The following MIER3 variants were observed in gnomAD, a reference collection of about 807,000 sequenced individuals.
The protein encoded by MIER3 is MIER family member 3.
MIER3 carries 9 observed loss-of-function variants against 63.2 expected under a neutral mutation model. The ratio of observed to expected loss-of-function variants is 0.14; its 90% CI spans 0.09 to 0.25. The LOEUF (loss-of-function observed/expected upper bound fraction) is 0.25, where lower values mean the gene tolerates loss of function less well. MIER3 is among the 10% of genes least tolerant of loss of function. MIER3 has a pLI of 1.00. For synonymous variants in MIER3, 205 were observed against 224.9 expected (o/e 0.91, Z 0.79); for missense variants, 512 against 666.2 (o/e 0.77, Z 2.55).
intron 2 of MIER3, among the ~76,000 whole-genome samples, chr5:56,949,465 C>T (rs908780890): frequency 2.0e-5 from 3 of 152,164 alleles, no homozygotes; most frequent in African/African-American, 4.8e-5. Context: ...TTCCATTAAT[C>T]CAGCTGTTTG....
chr5:56,949,601 T>C (rs1335932963), intron 2 of MIER3, among the ~76,000 whole-genome samples: 1 of 152,216 alleles, frequency 6.6e-6, no homozygotes, highest in African/African-American at 2.4e-5. Context: ...TTCTTCTACT[T>C]GGTGTTATAA....
At chr5:56,941,974 T>C (rs1241182210) in intron 3 of MIER3, among the ~76,000 whole-genome samples, 2 of 152,132 alleles carry the variant, frequency 1.3e-5, no homozygotes, top group East Asian at 3.9e-4. Context: ...TGGTGGTAAC[T>C]TCTGCCAAGA....
chr5:56,923,516 G>A lies in MIER3; in HGVS notation c.1265C>T (p.Pro422Leu). The part of the protein sequence containing the change: ...DVNCLDDSFP[P>L]LGNTPRGQVN... ...TTGTCCACGGGGTGTGTTGCCCAGTGGAGGAAAGCTATCATCCAAACAATT... is the reference window on the plus strand; with the variant it reads ...TTGTCCACGGGGTGTGTTGCCCAGTAGAGGAAAGCTATCATCCAAACAATT... Residue 422 changes from proline (P) to leucine (L), a missense_variant, in exon 13 of 13, where the codon CCA (proline) becomes CTA (leucine). Pro to Leu is a moderately conservative substitution (Grantham distance 98). Around this residue, in one of 5 missense-constraint regions of MIER3, gnomAD observed 218 missense variants for 251.2 expected, o/e 0.87. Coordinates refer to ENST00000381199, the MANE Select transcript of MIER3 (RefSeq NM_001297599.2). 6.2e-7 allele frequency: 1 copy of A among 1,614,182 alleles called. No homozygotes were observed.
At position 56,938,993 on chromosome 5, in the gene MIER3, A is replaced by C; in HGVS notation, c.205T>G (p.Leu69Val). Residue 69 changes from leucine (L) to valine (V), a missense_variant, in exon 4 of 13, where the codon TTA becomes GTA. This residue lies in a region of MIER3 where 98 missense variants were observed against 107.4 expected (regional missense o/e 0.91). Coordinates refer to ENST00000381199, the MANE Select transcript of MIER3 (RefSeq NM_001297599.2). ...GGTTCATAGCCATAGAATGCCAGTA[A>C]ATCTTCTAGAGGCATGGTTCCTTCC... Reference protein sequence around the residue: ...EKEGTMPLEDLLAFYGYEPTI... With the variant: ...EKEGTMPLEDVLAFYGYEPTI... 3 of 1,614,142 alleles carry C rather than the reference A, an allele frequency of 1.9e-6. No individual in the cohort carries two copies. The highest frequency in any genetic ancestry group is 2.2e-5 in the East Asian group (1 of 44,866).
chr5:56,951,079 T>G (rs961916952), intron 1 of MIER3, among the ~76,000 whole-genome samples: 17 of 152,284 alleles, frequency 1.1e-4, no homozygotes, highest in Admixed American at 3.9e-4. Context: ...ACTCGCGTTC[T>G]GAGCACCTAG....
intron 10 of MIER3, chr5:56,928,465 C>T (rs963215228): frequency 2.6e-5 from 5 of 195,016 alleles, no homozygotes; most frequent in African/African-American, 1.2e-4. Context: ...AGGCCACAAA[C>T]CTCTGAATGG....
chr5:56,952,049 G>A (rs751851933), intron 1 of MIER3, 45 bp downstream of exon 1: 3 of 1,268,046 alleles, frequency 2.4e-6, no homozygotes, highest in South Asian at 1.9e-5. Flanking sequence ...GAGCCGCCGG[G>A]CGCCCGCTCC....
chr5:56,923,068 C>T lies in MIER3; in HGVS notation c.*60G>A. Reference sequence around the variant, plus strand: ...ACTTCCAGTGAAAGACTATGCAAACCTGATAGCTCCCCTCAAGTTTACTGG... The same window carrying T: ...ACTTCCAGTGAAAGACTATGCAAACTTGATAGCTCCCCTCAAGTTTACTGG... On this transcript the variant is annotated 3_prime_UTR_variant, in exon 13 of 13. Coordinates refer to ENST00000381199, the MANE Select transcript of MIER3 (RefSeq NM_001297599.2). 6.9e-7 allele frequency: 1 copy of T among 1,457,436 alleles called. No individual in the cohort carries two copies. Among genetic ancestry groups the T allele is most frequent in the Non-Finnish European group, 9.5e-7 (1 of 1,057,650 alleles). 90.3% of individuals were successfully genotyped at this position (1,457,436 alleles called of 1,614,324 possible).
At chr5:56,950,710 G>A in intron 1 of MIER3, 58 bp from the exon 2 acceptor site, 3 of 1,595,762 alleles carry the variant, frequency 1.9e-6, no homozygotes, top group Non-Finnish European at 1.7e-6. Flanking sequence ...AAGAGGCAGC[G>A]CCGGCAACAG....
At chr5:56,929,669 G>A (rs974493721) in intron 9 of MIER3, 3 of 152,126 alleles carry the variant, frequency 2.0e-5, no homozygotes, top group African/African-American at 7.2e-5. Context: ...GCTATACTCT[G>A]GAAATATAAA....
At chr5:56,944,773 C>T (rs1750770722) in intron 3 of MIER3, among the ~76,000 whole-genome samples, 1 of 152,088 alleles carries the variant, frequency 6.6e-6, no homozygotes, top group Non-Finnish European at 1.5e-5. Context: ...CTCACTGCAA[C>T]CTTGAACTTC....
At chr5:56,942,819 A>T (rs964279321) in intron 3 of MIER3, among the ~76,000 whole-genome samples, 11 of 152,190 alleles carry the variant, frequency 7.2e-5, no homozygotes, top group Middle Eastern at 3.2e-3. Flanking sequence ...CAAGAGAAAG[A>T]CAAGAAATCT....
intron 3 of MIER3, among the ~76,000 whole-genome samples, chr5:56,942,335 T>C (rs115565846): frequency 0.011 from 1,712 of 152,296 alleles, 26 homozygotes; most frequent in African/African-American, 0.039. Context: ...TTGGAAATAA[T>C]GTTGTAAGGG....
Position 56,923,270 on chromosome 5 carries a change from T to A in MIER3, c.1511A>T (p.Asp504Val). 1 of 1,614,096 alleles carries A rather than the reference T, an allele frequency of 6.2e-7. No individual in the cohort carries two copies. The highest frequency in any genetic ancestry group is 8.5e-7 in the Non-Finnish European group (1 of 1,180,014). The part of the protein sequence containing the change: ...NEVSVNNLGV[D>V]FENHTHHITS... Reference sequence around the variant, plus strand: ...GATGTGATGTGTGTGATTTTCAAAGTCCACACCCAGGTTATTTACAGAAAC... The same window carrying A: ...GATGTGATGTGTGTGATTTTCAAAGACCACACCCAGGTTATTTACAGAAAC... The change falls in exon 13 of 13, where the codon GAC (aspartate) becomes GTC (valine). Residue 504 changes from aspartate to valine, a missense_variant. This residue lies in a region of MIER3 where 218 missense variants were observed against 251.2 expected (regional missense o/e 0.87). Coordinates refer to ENST00000381199, the MANE Select transcript of MIER3 (RefSeq NM_001297599.2).
At chr5:56,941,669 C>T (rs1437383093) in intron 3 of MIER3, 1 of 152,238 alleles carries the variant, frequency 6.6e-6, no homozygotes, top group East Asian at 1.9e-4. Context: ...GGAACTTGGA[C>T]TTCATTCCCA....
At chr5:56,941,289 ATGC>A (rs1018649608) in intron 3 of MIER3, 47 of 276,710 alleles carry the variant, frequency 1.7e-4, no homozygotes, top group African/African-American at 1.0e-3. Context: ...GTATGGAGGT[ATGC>A]ACAGAGGGTG....
chr5:56,938,042 CAAT>C (rs1447975705), intron 4 of MIER3, among the ~76,000 whole-genome samples: 3 of 151,968 alleles, frequency 2.0e-5, no homozygotes, highest in African/African-American at 2.4e-5. Flanking sequence ...CATTTTCTGT[CAAT>C]AATAAAACTG....
intron 4 of MIER3, chr5:56,938,482 C>G (rs1750530994): frequency 4.7e-6 from 2 of 421,168 alleles, no homozygotes; most frequent in Non-Finnish European, 9.8e-6. Context: ...GCCGCTGTCA[C>G]TCCCAGAGCC....
At chr5:56,947,140 T>A in intron 2 of MIER3, 69 bp from the exon 3 acceptor site, 1 of 1,497,492 alleles carries the variant, frequency 6.7e-7, no homozygotes, top group Non-Finnish European at 8.9e-7. Flanking sequence ...TAAAAATTTG[T>A]GTTCTTCTGC....
Sources: allele counts gnomAD v4.1 joint callset (sites outside exome capture counted in the v4.1 genomes callset), GRCh38; gene constraint gnomAD v4.1.1; regional missense constraint gnomAD v4.1.1; transcripts MANE v1.5; gene names NCBI Gene and HGNC (gene_info 2026-07-23, HGNC 2026-07-21).